The following KALRN variants were observed in gnomAD, a reference collection of about 807,000 sequenced individuals.
KALRN encodes kalirin RhoGEF kinase.
A neutral mutation model predicts 353.7 loss-of-function variants in KALRN; 70 were observed. The ratio of observed to expected loss-of-function variants is 0.20; its 90% CI spans 0.16 to 0.24. The LOEUF is 0.24. Among genes scored for constraint, KALRN ranks in the 10% least tolerant of loss-of-function variants. KALRN has a pLI of 1.00. For missense variants in KALRN, 2,791 were observed against 3,756.7 expected, an observed-to-expected ratio of 0.74 and a Z score of 6.72; for synonymous variants, 1,391 against 1,434.8, an observed-to-expected ratio of 0.97 and a Z score of 0.69.
At chr3:124,637,729 C>G (rs2081525203) in intron 37 of KALRN, among the ~76,000 whole-genome samples, 1 of 152,160 alleles carries the variant, frequency 6.6e-6, no homozygotes, top group African/African-American at 2.4e-5. Context: ...TTCCAGCGTG[C>G]AAAGTCTTTC....
intron 21 of KALRN, among the ~76,000 whole-genome samples, chr3:124,452,642 G>A (rs956325672): frequency 6.6e-6 from 1 of 152,084 alleles, no homozygotes; most frequent in Non-Finnish European, 1.5e-5. Context: ...GAAGAGCAGT[G>A]GAGACAGGGC....
chr3:124,257,931 C>T (rs183965806), intron 3 of KALRN, among the ~76,000 whole-genome samples: 2 of 152,296 alleles, frequency 1.3e-5, no homozygotes, highest in African/African-American at 4.8e-5. Flanking sequence ...AAACTTCTGC[C>T]CTTGAAAGTT....
intron 23 of KALRN, among the ~76,000 whole-genome samples, chr3:124,459,036 A>G (rs113049526): frequency 2.6e-4 from 38 of 147,004 alleles, no homozygotes; most frequent in African/African-American, 9.2e-4. Flanking sequence ...CACAAAACAA[A>G]TAAGGACTGT....
At chr3:124,656,393 G>A (rs1354120161) in intron 39 of KALRN, among the ~76,000 whole-genome samples, 2 of 152,148 alleles carry the variant, frequency 1.3e-5, no homozygotes, top group African/African-American at 2.4e-5. Flanking sequence ...GGTGGATCAC[G>A]AGGTCAGGAG....
chr3:124,133,218 G>T (rs926010751), intron 1 of KALRN, among the ~76,000 whole-genome samples: 1 of 152,112 alleles, frequency 6.6e-6, no homozygotes, highest in Non-Finnish European at 1.5e-5. Context: ...TACTAATTTG[G>T]TTTTTGGAAA....
intron 15 of KALRN, among the ~76,000 whole-genome samples, chr3:124,430,260 T>C (rs1198456243): frequency 6.6e-6 from 1 of 152,214 alleles, no homozygotes; most frequent in African/African-American, 2.4e-5. Flanking sequence ...TTTCCATAAG[T>C]TGTTGTTATT....
intron 3 of KALRN, among the ~76,000 whole-genome samples, chr3:124,260,449 T>C (rs2072682401): frequency 6.6e-6 from 1 of 152,076 alleles, no homozygotes; most frequent in Non-Finnish European, 1.5e-5. Flanking sequence ...GCTCACACAT[T>C]TATATTCTAG....
chr3:124,512,143 T>C (rs2065978023), intron 33 of KALRN, among the ~76,000 whole-genome samples: 1 of 152,236 alleles, frequency 6.6e-6, no homozygotes, highest in South Asian at 2.1e-4. Flanking sequence ...TCCCATATAC[T>C]CTGTAAGAAG....
At position 124,326,127 on chromosome 3, in the gene KALRN, A is replaced by T. The variant is rs1282025271; in HGVS notation, c.1240A>T (p.Thr414Ser). Residue 414 changes from threonine (T) to serine (S), a missense_variant, in exon 7 of 60, where the codon ACC becomes TCC. Thr to Ser is a moderately conservative substitution (Grantham distance 58, BLOSUM62 1). Transcript: ENST00000682506. ...SFAAALDERS[T>S]ILAMSAVFHQ... is the part of the protein sequence containing the mutation. ...CGCTGCTGCCCTGGATGAACGCAGC[A>T]CCATCCTCGCCATGTCTGCTGTGTT... 1 of 1,613,714 alleles carries T rather than the reference A, an allele frequency of 6.2e-7. No homozygotes were observed. Among genetic ancestry groups the T allele is most frequent in the Non-Finnish European group, 8.5e-7 (1 of 1,179,802 alleles).
chr3:124,075,730 G>A (rs745453905), intron 1 of KALRN, among the ~76,000 whole-genome samples: 66 of 152,214 alleles, frequency 4.3e-4, no homozygotes, highest in African/African-American at 1.4e-3. Context: ...TCCTTTTGAC[G>A]TCCCCTTAAT....
chr3:124,098,814 G>A (rs1418135374), intron 1 of KALRN, among the ~76,000 whole-genome samples: 1 of 152,116 alleles, frequency 6.6e-6, no homozygotes, highest in African/African-American at 2.4e-5. Flanking sequence ...AAGTAAAAAA[G>A]AGTCAACTTA....
At chr3:124,391,582 G>A (rs9820449) in intron 11 of KALRN, among the ~76,000 whole-genome samples, 2,159 of 152,232 alleles carry the variant, frequency 0.014, 41 homozygotes, top group African/African-American at 0.049. Flanking sequence ...GCGCTAAATC[G>A]GAGGGACATA....
intron 1 of KALRN, among the ~76,000 whole-genome samples, chr3:124,178,933 T>G (rs2073164880): frequency 6.6e-6 from 1 of 152,094 alleles, no homozygotes; most frequent in Admixed American, 6.5e-5. Context: ...AACGACCCAG[T>G]CTCTATAAAC....
At chr3:124,370,198 TAACTC>T (rs1299056630) in intron 10 of KALRN, among the ~76,000 whole-genome samples, 13 of 152,134 alleles carry the variant, frequency 8.5e-5, no homozygotes, top group Admixed American at 2.6e-4. Context: ...TGTATGTTCT[TAACTC>T]AAGAAAAATG....
chr3:124,164,438 C>T (rs1473510962), intron 1 of KALRN: 1 of 152,194 alleles, frequency 6.6e-6, no homozygotes, highest in Non-Finnish European at 1.5e-5. Flanking sequence ...CAAACCCACT[C>T]TTCTGTGTCT....
intron 1 of KALRN, among the ~76,000 whole-genome samples, chr3:124,132,771 G>C (rs1319314151): frequency 1.3e-5 from 2 of 152,308 alleles, no homozygotes; most frequent in East Asian, 3.9e-4. Context: ...CACATTCCAA[G>C]TTCTTTCATG....
chr3:124,700,374 G>A (rs541118559), intron 56 of KALRN, among the ~76,000 whole-genome samples: 75 of 152,154 alleles, frequency 4.9e-4, no homozygotes, highest in African/African-American at 1.6e-3. Flanking sequence ...CCTGCCAGCC[G>A]TAAATGTACC....
chr3:124,676,839 C>A (rs1171926126), intron 49 of KALRN, among the ~76,000 whole-genome samples: 1 of 152,124 alleles, frequency 6.6e-6, no homozygotes, highest in Non-Finnish European at 1.5e-5. Context: ...GGCTGGTTCT[C>A]ACTTATACAA....
At chr3:124,205,483 A>G (rs2076335086) in intron 1 of KALRN, among the ~76,000 whole-genome samples, 1 of 152,230 alleles carries the variant, frequency 6.6e-6, no homozygotes, top group African/African-American at 2.4e-5. Flanking sequence ...AATGCAGACA[A>G]TAATATCTAT....
Sources: gnomAD v4.1 joint callset for allele counts (sites outside exome capture counted in the v4.1 genomes callset) on GRCh38, gnomAD v4.1.1 for gene constraint, MANE v1.5 for transcripts, NCBI Gene and HGNC (gene_info 2026-07-23, HGNC 2026-07-21) for gene names.